The following PIGU variants were observed in gnomAD, a reference collection of about 807,000 sequenced individuals.
PIGU encodes the protein GPI-anchor transamidase component PIGU.
A neutral mutation model predicts 49.9 loss-of-function variants in PIGU; 24 were observed. The observed-to-expected ratio is 0.48, with a 90% CI of 0.35 to 0.68. The LOEUF (loss-of-function observed/expected upper bound fraction) is 0.68, where lower values mean the gene tolerates loss of function less well. Among genes scored for constraint, PIGU ranks in the 30% least tolerant of loss-of-function variants. The probability of loss-of-function intolerance (pLI) is 0.01; values close to 1 mark genes in which losing one functional copy is unlikely to be tolerated. For missense variants in PIGU, 490 were observed against 532.6 expected (o/e 0.92, Z 0.79); for synonymous variants, 220 against 205.7 (o/e 1.07, Z -0.59).
intron 1 of PIGU, among the ~76,000 whole-genome samples, chr20:34,664,741 G>A (rs1490205872): frequency 6.6e-6 from 1 of 152,062 alleles, no homozygotes; most frequent in Non-Finnish European, 1.5e-5. Context: ...TGTAATCCCA[G>A]CACTTTGAGA....
chr20:34,628,837 C>G (rs978185862), intron 6 of PIGU, among the ~76,000 whole-genome samples: 1 of 151,998 alleles, frequency 6.6e-6, no homozygotes, highest in Non-Finnish European at 1.5e-5. Context: ...GGCGACAGAG[C>G]GAGACTGTCT....
intron 11 of PIGU, among the ~76,000 whole-genome samples, chr20:34,564,922 C>T (rs1982680032): frequency 6.6e-6 from 1 of 152,204 alleles, no homozygotes; most frequent in Admixed American, 6.5e-5. Flanking sequence ...AGCACCCTGC[C>T]CCCAGGGAGA....
intron 6 of PIGU, among the ~76,000 whole-genome samples, chr20:34,618,372 A>G (rs1985088048): frequency 6.6e-6 from 1 of 152,206 alleles, no homozygotes; most frequent in Non-Finnish European, 1.5e-5. Flanking sequence ...TGGCCCAGAA[A>G]TCAGTAGGAT....
chr20:34,621,499 G>C (rs1174448854), intron 6 of PIGU, among the ~76,000 whole-genome samples: 1 of 152,204 alleles, frequency 6.6e-6, no homozygotes, highest in Non-Finnish European at 1.5e-5. Context: ...TGCTGCAACA[G>C]TCAGTAGGTT....
chr20:34,676,993 C>A lies in PIGU; in HGVS notation c.93G>T (p.Arg31=). ...AGCTCAGTGGGGACACCACCTCCAC[C>A]CGCTCGGAAATGAACTCGGCCAGAC... ...RSSLAEFISE[R]VEVVSPLSSW... Residue 31 remains arginine (R), a synonymous_variant, in exon 1 of 12, where the codon CGG becomes CGT. Coordinates refer to ENST00000217446, the MANE Select transcript of PIGU (RefSeq NM_080476.5). The A allele has an allele frequency of 6.3e-7, 1 of 1,582,596 alleles. No homozygotes were observed. Among genetic ancestry groups the A allele is most frequent in the South Asian group, 1.2e-5 (1 of 86,404 alleles).
At chr20:34,668,838 GA>G (rs1017784169) in intron 1 of PIGU, among the ~76,000 whole-genome samples, 3 of 101,486 alleles carry the variant, frequency 3.0e-5, no homozygotes, top group Admixed American at 2.0e-4. Context: ...TCATAGAACA[GA>G]AAAAAAATTA....
intron 3 of PIGU, 73 bp downstream of exon 3, chr20:34,645,202 A>G (rs540401944): frequency 3.7e-4 from 494 of 1,334,628 alleles, no homozygotes; most frequent in Non-Finnish European, 4.0e-4. Flanking sequence ...AAAAAAAAAA[A>G]AGAGAGAGAG....
rs554268431 is a variant in PIGU at position 34,638,105 on chromosome 20, C to T, written c.319-120G>A. 2.6e-5 allele frequency: 36 copies of T among 1,401,942 alleles called. No individual in the cohort carries two copies. In the African/African-American group the frequency reaches 4.7e-4, roughly 18 times the overall value. 86.8% of individuals were successfully genotyped at this position (1,401,942 alleles called of 1,614,324 possible). ...CATGGCCCTGCCTGGTCTGGCCCTA[C>T]CTCTCCAGGCTCATCTCACACTCGG... On this transcript the variant is annotated intron_variant, in intron 4 of 11. Transcript: ENST00000217446.
In PIGU at chr20:34,570,614, C is replaced by T. The variant is rs147642150; in HGVS notation, c.1194+4490G>A. On this transcript the variant is annotated intron_variant, in intron 11 of 11. Transcript: ENST00000217446. The stretch of plus-strand genomic sequence containing the variant: ...ATTTTTAGTAGAGACGGGGTTTCAC[C>T]GTGTTAGCCAGGATGGTCTTGATCT... Among the ~76,000 whole-genome samples the T allele has an allele frequency of 2.9e-3, 444 of 152,186 alleles. 2 individuals carry two copies. The highest frequency in any genetic ancestry group is 0.01 in the African/African-American group (422 of 41,526).
chr20:34,591,031 G>GA (rs567508712), intron 7 of PIGU, among the ~76,000 whole-genome samples: 75,412 of 128,896 alleles, frequency 0.59, 19,453 homozygotes, highest in Middle Eastern at 0.62. Context: ...GAAAAAAAGA[G>GA]AAAAAAAAAT....
intron 6 of PIGU, among the ~76,000 whole-genome samples, chr20:34,617,243 T>C (rs921707120): frequency 1.3e-5 from 2 of 152,074 alleles, no homozygotes; most frequent in Non-Finnish European, 2.9e-5. Context: ...TCCTCCAGAT[T>C]CCAGAATGGT....
chr20:34,647,286 G>C (rs1296929754), intron 2 of PIGU, among the ~76,000 whole-genome samples: 3 of 125,146 alleles, frequency 2.4e-5, no homozygotes, highest in Non-Finnish European at 4.9e-5. Flanking sequence ...TTGTTTGTTT[G>C]AGACAGAGTC....
In PIGU at chr20:34,628,577, G is replaced by A. The variant is rs180729394; in HGVS notation, c.529+6038C>T. Among the ~76,000 whole-genome samples, 35 of 152,192 alleles carry A rather than the reference G, an allele frequency of 2.3e-4. 1 individual carries two copies. The highest frequency in any genetic ancestry group is 6.7e-4 in the African/African-American group (28 of 41,518). Reference sequence around the variant, plus strand: ...TAAAAATGATAGACTAGAACTGGGCGCAGTGGCTCACACCTGTAACCCCAG... The same window carrying A: ...TAAAAATGATAGACTAGAACTGGGCACAGTGGCTCACACCTGTAACCCCAG... On this transcript the variant is annotated intron_variant, in intron 6 of 11. Transcript: ENST00000217446.
chr20:34,597,701 T>G (rs1414824338), intron 7 of PIGU, among the ~76,000 whole-genome samples: 1 of 152,202 alleles, frequency 6.6e-6, no homozygotes, highest in Non-Finnish European at 1.5e-5. Flanking sequence ...AAAATAAGAC[T>G]GACTGATGGA....
At chr20:34,628,421 C>A (rs145749724) in intron 6 of PIGU, among the ~76,000 whole-genome samples, 1 of 152,100 alleles carries the variant, frequency 6.6e-6, no homozygotes, top group African/African-American at 2.4e-5. Context: ...AATATGAGTG[C>A]AAAAATTGCT....
At chr20:34,567,144 G>T (rs935340408) in intron 11 of PIGU, among the ~76,000 whole-genome samples, 1 of 152,256 alleles carries the variant, frequency 6.6e-6, no homozygotes, top group Non-Finnish European at 1.5e-5. Context: ...GGCCGTCACA[G>T]TTGGCAAAGT....
intron 8 of PIGU, among the ~76,000 whole-genome samples, chr20:34,587,260 G>A (rs957923542): frequency 6.6e-6 from 1 of 152,162 alleles, no homozygotes; most frequent in Non-Finnish European, 1.5e-5. Context: ...TTTGAGAACC[G>A]CTGCTATTTA....
chr20:34,591,031 G>GAAAA (rs567508712), intron 7 of PIGU, among the ~76,000 whole-genome samples: 24 of 129,024 alleles, frequency 1.9e-4, no homozygotes, highest in Admixed American at 9.5e-4. Context: ...GAAAAAAAGA[G>GAAAA]AAAAAAAAAT....
chr20:34,581,106 C>T (rs983937193), intron 10 of PIGU, among the ~76,000 whole-genome samples: 1 of 152,162 alleles, frequency 6.6e-6, no homozygotes. Context: ...AGACAGAGGA[C>T]TTTTTCATCA....
Sources: allele counts gnomAD v4.1 joint callset (sites outside exome capture counted in the v4.1 genomes callset), GRCh38; gene constraint gnomAD v4.1.1; transcripts MANE v1.5; gene names NCBI Gene and HGNC (gene_info 2026-07-23, HGNC 2026-07-21).